Variants in DPYSL3 observed in about 807,000 individuals in gnomAD.
DPYSL3 encodes the protein dihydropyrimidinase-related protein 3.
DPYSL3 carries 16 observed loss-of-function variants against 66.1 expected under a neutral mutation model. That is an observed-to-expected ratio of 0.24 (90% CI 0.16 to 0.37). The LOEUF (loss-of-function observed/expected upper bound fraction) is 0.37, where lower values mean the gene tolerates loss of function less well. DPYSL3 is among the 10% of genes least tolerant of loss of function. DPYSL3 has a pLI of 1.00. For synonymous variants in DPYSL3, 338 were observed against 345.1 expected (o/e 0.98, Z 0.23); for missense variants, 738 against 916.2 (o/e 0.81, Z 2.51).
At chr5:147,443,488 G>T (rs1371745199) in intron 1 of DPYSL3, among the ~76,000 whole-genome samples, 3 of 152,192 alleles carry the variant, frequency 2.0e-5, no homozygotes, top group East Asian at 3.9e-4. Context: ...TGGGGGTTGG[G>T]GGGGTGATGG....
At chr5:147,428,360 T>TG (rs1317386138) in intron 1 of DPYSL3, among the ~76,000 whole-genome samples, 3 of 152,120 alleles carry the variant, frequency 2.0e-5, no homozygotes, top group Non-Finnish European at 4.4e-5. Flanking sequence ...CAGCTTGCCC[T>TG]GCTATCCTCC....
intron 1 of DPYSL3, among the ~76,000 whole-genome samples, chr5:147,466,245 C>G (rs1753009316): frequency 6.6e-6 from 1 of 152,112 alleles, no homozygotes; most frequent in African/African-American, 2.4e-5. Flanking sequence ...ATTTATGCCC[C>G]TGCCTGGTTT....
At chr5:147,406,878 G>A (rs963141178) in intron 7 of DPYSL3, among the ~76,000 whole-genome samples, 1 of 152,186 alleles carries the variant, frequency 6.6e-6, no homozygotes, top group Non-Finnish European at 1.5e-5. Context: ...TCCATTGTGG[G>A]TGTAGCTCAG....
At chr5:147,416,158 CT>C (rs1274416915) in intron 3 of DPYSL3, among the ~76,000 whole-genome samples, 3 of 152,058 alleles carry the variant, frequency 2.0e-5, no homozygotes, top group Non-Finnish European at 1.5e-5. Flanking sequence ...TGCCTTTCTT[CT>C]GAATTTATAA....
intron 1 of DPYSL3, among the ~76,000 whole-genome samples, chr5:147,483,659 G>T (rs994313148): frequency 2.6e-5 from 4 of 152,172 alleles, no homozygotes; most frequent in African/African-American, 9.7e-5. Context: ...GGAATCTCAG[G>T]TGAGTGGGAA....
chr5:147,464,739 C>T (rs934625068), intron 1 of DPYSL3, among the ~76,000 whole-genome samples: 1 of 152,072 alleles, frequency 6.6e-6, no homozygotes, highest in Admixed American at 6.6e-5. Context: ...CCATCTGGAC[C>T]AGTGAAGGTA....
At position 147,395,541 on chromosome 5, in the gene DPYSL3, T is replaced by G. The variant is rs1757942326; in HGVS notation, c.1966+18A>C. On this transcript the variant is annotated intron_variant, in intron 13 of 13. Coordinates refer to ENST00000343218, the MANE Select transcript of DPYSL3 (RefSeq NM_001197294.2). ...CCTTCCCCCTTCTCTTATCTTTTGATGAGCCTGTCCCACTCACCTGACAGG... is the reference window on the plus strand; with the variant it reads ...CCTTCCCCCTTCTCTTATCTTTTGAGGAGCCTGTCCCACTCACCTGACAGG... 1.2e-6 allele frequency: 2 copies of G among 1,601,144 alleles called. No homozygotes were observed. The highest frequency in any genetic ancestry group is 1.7e-6 in the Non-Finnish European group (2 of 1,173,658).
chr5:147,425,481 T>C (rs1439426726), intron 1 of DPYSL3, among the ~76,000 whole-genome samples: 3 of 152,212 alleles, frequency 2.0e-5, no homozygotes, highest in Non-Finnish European at 2.9e-5. Flanking sequence ...TACAAATGTA[T>C]GCACAAGTAC....
intron 7 of DPYSL3, among the ~76,000 whole-genome samples, chr5:147,407,277 A>T (rs1758348607): frequency 6.6e-6 from 1 of 151,964 alleles, no homozygotes; most frequent in Non-Finnish European, 1.5e-5. Flanking sequence ...TCACCCTCCA[A>T]CTTCACCCAA....
intron 1 of DPYSL3, among the ~76,000 whole-genome samples, chr5:147,463,752 G>T (rs547083862): frequency 6.6e-6 from 1 of 152,080 alleles, no homozygotes; most frequent in African/African-American, 2.4e-5. Flanking sequence ...TCAAATGTCC[G>T]TCATGCCAGC....
Position 147,400,787 on chromosome 5 carries a change from C to A in DPYSL3, c.1357G>T (p.Ala453Ser), listed in dbSNP as rs1409969847. 6.2e-7 allele frequency: 1 copy of A among 1,614,202 alleles called. No individual in the cohort carries two copies. Among genetic ancestry groups the A allele is most frequent in the East Asian group, 2.2e-5 (1 of 44,888 alleles). The change falls in exon 10 of 14, where the codon GCC (alanine) becomes TCC (serine). Residue 453 changes from alanine to serine, a missense_variant. Physicochemically the swap from Ala to Ser is moderately conservative, Grantham distance 99. Coordinates refer to ENST00000343218, the MANE Select transcript of DPYSL3 (RefSeq NM_001197294.2). ...TTGTCCTTCCCAATTGCTTTCTGGGCAGTGCTGAAGGTGCAGTGGGCACTC... is the reference window on the plus strand; with the variant it reads ...TTGTCCTTCCCAATTGCTTTCTGGGAAGTGCTGAAGGTGCAGTGGGCACTC... ...SGSAHCTFST[A>S]QKAIGKDNFT...
At chr5:147,399,588 T>C (rs1309455294) in intron 10 of DPYSL3, among the ~76,000 whole-genome samples, 2 of 152,262 alleles carry the variant, frequency 1.3e-5, no homozygotes, top group Non-Finnish European at 2.9e-5. Context: ...AATGTGATTA[T>C]AATCCCATCC....
Position 147,453,561 on chromosome 5 carries a change from G to T in DPYSL3, c.382-28598C>A, listed in dbSNP as rs137909376. ...CGCCCGGACTCACCGTGATCCGCGG[G>T]ATGTTCTTCTTGCCTTGGTAGGACA... On this transcript the variant is annotated intron_variant, in intron 1 of 13. Coordinates refer to ENST00000343218, the MANE Select transcript of DPYSL3 (RefSeq NM_001197294.2). The T allele has an allele frequency of 8.9e-3, 13,706 of 1,540,144 alleles. 78 individuals carry two copies. The highest frequency in any genetic ancestry group is 1.0e-2 in the Non-Finnish European group (11,389 of 1,142,370).
chr5:147,509,363 C>T lies in DPYSL3; in HGVS notation c.381+115G>A. On this transcript the variant is annotated intron_variant, in intron 1 of 13. Transcript: ENST00000343218. The surrounding 1 kb of genome is among the most constrained non-coding windows in gnomAD (Gnocchi z 5.3). ...CAGTGGAGGATGACCCTTTCCTCCT[C>T]CTTGTCCCCCAGCCCCGTGCAAAGT... The T allele has an allele frequency of 1.5e-6, 2 of 1,351,414 alleles. No individual in the cohort carries two copies. The highest frequency in any genetic ancestry group is 2.0e-6 in the Non-Finnish European group (2 of 1,025,064). 83.7% of individuals were successfully genotyped at this position (1,351,414 alleles called of 1,614,324 possible). A position where few individuals can be genotyped will look rare whatever the true frequency, so the allele number is the denominator to read the frequency against.
At chr5:147,489,315 G>A (rs929142248) in intron 1 of DPYSL3, among the ~76,000 whole-genome samples, 3 of 152,112 alleles carry the variant, frequency 2.0e-5, no homozygotes, top group Non-Finnish European at 4.4e-5. Flanking sequence ...TCCAGGTGTT[G>A]GATCCCATTC....
chr5:147,391,653 T>G lies in DPYSL3; in HGVS notation c.*2382A>C, dbSNP rs191949529. 183 of 152,352 alleles carry G rather than the reference T, an allele frequency of 1.2e-3. 2 individuals carry two copies. The highest frequency in any genetic ancestry group is 4.0e-3 in the African/African-American group (166 of 41,580). The allele number at this position is 152,352 out of a possible 1,614,324, so 9.4% of individuals were successfully genotyped here. On this transcript the variant is annotated 3_prime_UTR_variant, in exon 14 of 14. Coordinates refer to ENST00000343218, the MANE Select transcript of DPYSL3 (RefSeq NM_001197294.2). ...AAACCTTTTGTATAGGCCTGTTTGA[T>G]GTGTCTTATGAAACGAAACAAATCT...
intron 1 of DPYSL3, among the ~76,000 whole-genome samples, chr5:147,436,984 G>GGTGTTAGTGTTA (rs1178425672): frequency 6.6e-6 from 1 of 152,244 alleles, no homozygotes; most frequent in African/African-American, 2.4e-5. Flanking sequence ...AGAAAGGTCA[G>GGTGTTAGTGTTA]GTGTTAGTGG....
At chr5:147,400,277 G>A (rs183859295) in intron 10 of DPYSL3, among the ~76,000 whole-genome samples, 83 of 152,234 alleles carry the variant, frequency 5.5e-4, no homozygotes, top group South Asian at 1.5e-3. Flanking sequence ...AGTACAGGGC[G>A]TCCTTGATAA....
intron 1 of DPYSL3, among the ~76,000 whole-genome samples, chr5:147,434,319 TTTA>T (rs1382306091): frequency 6.6e-6 from 1 of 152,190 alleles, no homozygotes; most frequent in Non-Finnish European, 1.5e-5. Flanking sequence ...AGTTTTGTGT[TTTA>T]TTACTTGTTT....
Sources: allele counts gnomAD v4.1 joint callset (sites outside exome capture counted in the v4.1 genomes callset), GRCh38; gene constraint gnomAD v4.1.1; non-coding constraint Gnocchi (gnomAD v3.1); transcripts MANE v1.5; gene names NCBI Gene and HGNC (gene_info 2026-07-23, HGNC 2026-07-21).